The following CSMD3 variants were observed in gnomAD, a reference collection of about 807,000 sequenced individuals.
The protein encoded by CSMD3 is CUB and sushi domain-containing protein 3.
A neutral mutation model predicts 435.2 loss-of-function variants in CSMD3; 177 were observed. That is an observed-to-expected ratio of 0.41 (90% CI 0.36 to 0.46). The LOEUF is 0.46. CSMD3 is among the 20% of genes least tolerant of loss of function. CSMD3 has a pLI of 0.34. For missense variants in CSMD3, 4,265 were observed against 4,504.6 expected (o/e 0.95, Z 1.52); for synonymous variants, 1,656 against 1,520.5 (o/e 1.09, Z -2.07).
chr8:112,992,937 C>T (rs531295475), intron 6 of CSMD3, among the ~76,000 whole-genome samples: 1 of 151,556 alleles, frequency 6.6e-6, no homozygotes, highest in Non-Finnish European at 1.5e-5. Context: ...CTGGCCCTTT[C>T]CCCTAACAAG....
intron 5 of CSMD3, among the ~76,000 whole-genome samples, chr8:113,086,006 G>A (rs908518755): frequency 6.6e-6 from 1 of 152,092 alleles, no homozygotes; most frequent in African/African-American, 2.4e-5. Flanking sequence ...GGGAGGCCGA[G>A]GCAGGTGGAT....
chr8:113,421,816 G>A (rs183415706), intron 1 of CSMD3, among the ~76,000 whole-genome samples: 302 of 152,280 alleles, frequency 2.0e-3, no homozygotes, highest in African/African-American at 7.0e-3. Context: ...AGCCAGGAAA[G>A]ATCTATCAAA....
chr8:112,842,712 G>C (rs1168329180), intron 11 of CSMD3, among the ~76,000 whole-genome samples: 1 of 151,634 alleles, frequency 6.6e-6, no homozygotes, highest in East Asian at 1.9e-4. Context: ...TATACAACTA[G>C]GTACTTTTTA....
intron 39 of CSMD3, 43 bp downstream of exon 39, chr8:112,352,373 A>G: frequency 1.2e-6 from 2 of 1,610,542 alleles, no homozygotes; most frequent in Non-Finnish European, 1.7e-6. Flanking sequence ...AATATTCTGA[A>G]AGGGCCATGA....
At chr8:113,109,399 A>C (rs1329345573) in intron 4 of CSMD3, among the ~76,000 whole-genome samples, 2 of 152,162 alleles carry the variant, frequency 1.3e-5, no homozygotes, top group Non-Finnish European at 2.9e-5. Context: ...TTGCCCTCTG[A>C]CTGTGAACCT....
intron 1 of CSMD3, among the ~76,000 whole-genome samples, chr8:113,371,946 T>C (rs1411547365): frequency 6.6e-6 from 1 of 152,174 alleles, no homozygotes; most frequent in Non-Finnish European, 1.5e-5. Context: ...AACAATATTA[T>C]AGCAAGTAGA....
intron 11 of CSMD3, among the ~76,000 whole-genome samples, chr8:112,841,205 G>A (rs527432039): frequency 1.6e-4 from 24 of 151,636 alleles, no homozygotes; most frequent in Admixed American, 5.9e-4. Flanking sequence ...AATCTCAAAG[G>A]GGCCTCTATG....
chr8:112,422,620 C>T (rs1260500792), intron 32 of CSMD3, among the ~76,000 whole-genome samples: 3 of 152,120 alleles, frequency 2.0e-5, no homozygotes, highest in African/African-American at 7.2e-5. Flanking sequence ...AATACCCACT[C>T]CTTTGGATTG....
intron 1 of CSMD3, among the ~76,000 whole-genome samples, chr8:113,378,109 A>T (rs1204630943): frequency 1.3e-5 from 2 of 152,168 alleles, no homozygotes; most frequent in African/African-American, 2.4e-5. Flanking sequence ...TATAACATAG[A>T]CAGAAAACAT....
intron 49 of CSMD3, among the ~76,000 whole-genome samples, chr8:112,313,657 T>C (rs1051497761): frequency 6.6e-6 from 1 of 152,116 alleles, no homozygotes. Context: ...TATAGGATAA[T>C]TTATAACTGA....
intron 13 of CSMD3, among the ~76,000 whole-genome samples, chr8:112,760,194 A>G (rs2077803816): frequency 6.6e-6 from 1 of 152,208 alleles, no homozygotes; most frequent in Non-Finnish European, 1.5e-5. Flanking sequence ...CAGACATTAG[A>G]TCAAACTTTT....
chr8:112,440,549 T>C (rs1467655485), intron 32 of CSMD3, among the ~76,000 whole-genome samples: 3 of 152,128 alleles, frequency 2.0e-5, no homozygotes, highest in African/African-American at 7.2e-5. Flanking sequence ...GGTGCTCAGA[T>C]CCCACAATTC....
At chr8:113,187,971 T>G (rs537162275) in intron 3 of CSMD3, among the ~76,000 whole-genome samples, 46 of 152,142 alleles carry the variant, frequency 3.0e-4, no homozygotes, top group African/African-American at 1.1e-3. Flanking sequence ...CTTCACAGGT[T>G]TGCTTACACT....
chr8:112,331,109 T>C (rs1389919937), intron 45 of CSMD3, among the ~76,000 whole-genome samples: 1 of 152,044 alleles, frequency 6.6e-6, no homozygotes, highest in Admixed American at 6.6e-5. Flanking sequence ...CTCAGCATAT[T>C]AAATTTTCAA....
At chr8:113,367,698 C>T (rs2094321318) in intron 1 of CSMD3, among the ~76,000 whole-genome samples, 2 of 152,002 alleles carry the variant, frequency 1.3e-5, no homozygotes, top group South Asian at 2.1e-4. Flanking sequence ...CAAGCTCTTC[C>T]ATTCAGGGCC....
intron 13 of CSMD3, among the ~76,000 whole-genome samples, chr8:112,725,364 A>C (rs1041718170): frequency 2.6e-5 from 4 of 152,040 alleles, no homozygotes; most frequent in Admixed American, 1.3e-4. Context: ...GAAGAAAGTC[A>C]CCAAAAACAG....
intron 12 of CSMD3, among the ~76,000 whole-genome samples, chr8:112,822,333 A>G (rs2079551911): frequency 6.6e-6 from 1 of 151,872 alleles, no homozygotes; most frequent in African/African-American, 2.4e-5. Context: ...TTCCTTGTGC[A>G]GTGGTTTGTA....
chr8:113,431,694 G>A (rs966589691), intron 1 of CSMD3, among the ~76,000 whole-genome samples: 3 of 151,692 alleles, frequency 2.0e-5, no homozygotes, highest in Admixed American at 6.6e-5. Context: ...TGAGATCTTA[G>A]AAAAGCGTTT....
chr8:112,906,128 G>A (rs1163003163), intron 10 of CSMD3, among the ~76,000 whole-genome samples: 1 of 151,324 alleles, frequency 6.6e-6, no homozygotes, highest in Non-Finnish European at 1.5e-5. Context: ...AGAACTGTGA[G>A]AAAGAAACAT....
Sources: gnomAD v4.1 joint callset for allele counts (sites outside exome capture counted in the v4.1 genomes callset) on GRCh38, gnomAD v4.1.1 for gene constraint, MANE v1.5 for transcripts, NCBI Gene and HGNC (gene_info 2026-07-23, HGNC 2026-07-21) for gene names.